Variants in MAP3K14 observed in about 807,000 individuals in gnomAD.
MAP3K14 encodes the protein NF-kappa-beta-inducing kinase.
In MAP3K14, 16 loss-of-function variants were observed where a neutral mutation model predicts 99.2. The observed-to-expected ratio is 0.16, with a 90% CI of 0.11 to 0.24. The LOEUF (loss-of-function observed/expected upper bound fraction) is 0.24, where lower values mean the gene tolerates loss of function less well. MAP3K14 is among the 10% of genes least tolerant of loss of function. MAP3K14 has a pLI of 1.00. For missense variants in MAP3K14, 784 were observed against 1,208.7 expected (o/e 0.65, Z 5.21); for synonymous variants, 462 against 492.4 (o/e 0.94, Z 0.82).
At chr17:45,293,867 A>C (rs769265439) in intron 1 of MAP3K14, among the ~76,000 whole-genome samples, 15 of 152,118 alleles carry the variant, frequency 9.9e-5, no homozygotes, top group Non-Finnish European at 1.8e-4. Flanking sequence ...ATACGGATGC[A>C]CTTGCTCCCT....
Position 45,264,349 on chromosome 17 carries a change from A to G in MAP3K14, c.*287T>C, listed in dbSNP as rs554247144. 5 of 363,796 alleles carry G rather than the reference A, an allele frequency of 1.4e-5. No homozygotes were observed. Among genetic ancestry groups the G allele is most frequent in the South Asian group, 4.3e-5 (1 of 23,528 alleles). The allele number at this position is 363,796 out of a possible 1,614,324, so 22.5% of individuals were successfully genotyped here. A position where few individuals can be genotyped will look rare whatever the true frequency, so the allele number is the denominator to read the frequency against. On this transcript the variant is annotated 3_prime_UTR_variant, in exon 16 of 16. Transcript: ENST00000344686. ...AAGCGGGTCAGGCCAACTCGACTGG[A>G]GCAGGGCAGAGAAGATCCTGTTTGT...
intron 1 of MAP3K14, among the ~76,000 whole-genome samples, chr17:45,313,967 G>A (rs2044506661): frequency 6.6e-6 from 1 of 152,090 alleles, no homozygotes. Context: ...AGTATGGTGT[G>A]AAAATACAAA....
At chr17:45,308,045 A>T (rs570648677) in intron 1 of MAP3K14, among the ~76,000 whole-genome samples, 1 of 152,220 alleles carries the variant, frequency 6.6e-6, no homozygotes, top group Non-Finnish European at 1.5e-5. Flanking sequence ...GGGAAGGTAA[A>T]AAAGGGCTTG....
In MAP3K14 at chr17:45,286,883, G is replaced by T. The variant is rs2044270460; in HGVS notation, c.700C>A (p.Gln234Lys). The T allele has an allele frequency of 6.2e-7, 1 of 1,613,954 alleles. No individual in the cohort carries two copies. The highest frequency in any genetic ancestry group is 1.3e-5 in the African/African-American group (1 of 74,952). ...SELHKLISPL[Q>K]CLNHVWKLHH... ...AGTTTCCACACGTGGTTCAGACATT[G>T]CAAGGGGCTGATCAGTTTGTGGAGT... Residue 234 changes from glutamine (Q) to lysine (K), a missense_variant, in exon 5 of 16, where the codon CAA becomes AAA. Transcript: ENST00000344686. The surrounding 1 kb of genome is among the most constrained non-coding windows in gnomAD (Gnocchi z 4.1).
chr17:45,298,333 C>T (rs992564600), intron 1 of MAP3K14, among the ~76,000 whole-genome samples: 4 of 152,078 alleles, frequency 2.6e-5, no homozygotes, highest in Admixed American at 1.3e-4. Context: ...AATAAAAACA[C>T]AAGATGGCAG....
At chr17:45,290,996 A>C in intron 1 of MAP3K14, 1 of 479,832 alleles carries the variant, frequency 2.1e-6, no homozygotes, top group Non-Finnish European at 3.8e-6. Flanking sequence ...ACCACAACAT[A>C]AACAGCCTCC....
At position 45,270,649 on chromosome 17, in the gene MAP3K14, G is replaced by A. The variant is rs541952561; in HGVS notation, c.1822-86C>T. The A allele has an allele frequency of 4.4e-5, 63 of 1,435,878 alleles. No homozygotes were observed. In the African/African-American group the frequency reaches 5.8e-4, roughly 13 times the overall value. 88.9% of individuals were successfully genotyped at this position (1,435,878 alleles called of 1,614,324 possible). On this transcript the variant is annotated intron_variant, in intron 10 of 15. Coordinates refer to ENST00000344686, the MANE Select transcript of MAP3K14 (RefSeq NM_003954.5). Reference sequence around the variant, plus strand: ...TATTGCTCTTTGCGCAACTCCCGCCGGCCCCTGTTCCCGCTGTGCTGGGGT... The same window carrying A: ...TATTGCTCTTTGCGCAACTCCCGCCAGCCCCTGTTCCCGCTGTGCTGGGGT...
chr17:45,286,956 A>G lies in MAP3K14; in HGVS notation c.627T>C (p.Cys209=). Residue 209 remains cysteine, a synonymous_variant, in exon 5 of 16, where the codon TGT becomes TGC. Coordinates refer to ENST00000344686, the MANE Select transcript of MAP3K14 (RefSeq NM_003954.5). The surrounding 1 kb of genome is among the most constrained non-coding windows in gnomAD (Gnocchi z 4.1). ...PLKEPGLGQL[C]FKQLGEGLRP... Reference sequence around the variant, plus strand: ...GTAGGCCCTCGCCAAGCTGCTTAAAACAGAGTTGCCCAAGGCCTGGTTCCT... The same window carrying G: ...GTAGGCCCTCGCCAAGCTGCTTAAAGCAGAGTTGCCCAAGGCCTGGTTCCT... 6.2e-7 allele frequency: 1 copy of G among 1,614,048 alleles called. No individual in the cohort carries two copies. Among genetic ancestry groups the G allele is most frequent in the Non-Finnish European group, 8.5e-7 (1 of 1,179,902 alleles).
chr17:45,316,634 G>A (rs1368912986), intron 1 of MAP3K14, among the ~76,000 whole-genome samples: 1 of 152,186 alleles, frequency 6.6e-6, no homozygotes, highest in Admixed American at 6.5e-5. Flanking sequence ...CAGAGCAGGC[G>A]GGCGGGCCTG....
At position 45,266,611 on chromosome 17, in the gene MAP3K14, G is replaced by A; in HGVS notation, c.2504C>T (p.Ala835Val). 6 of 1,613,890 alleles carry A rather than the reference G, an allele frequency of 3.7e-6. No individual in the cohort carries two copies. Among genetic ancestry groups the A allele is most frequent in the Non-Finnish European group, 5.1e-6 (6 of 1,179,878 alleles). The change falls in exon 14 of 16, where the codon GCC (alanine) becomes GTC (valine). Residue 835 changes from alanine to valine, a missense_variant. Physicochemically the swap from Ala to Val is moderately conservative, Grantham distance 64 (BLOSUM62 0). This residue lies in a region of MAP3K14 where 130 missense variants were observed against 220.4 expected (regional missense o/e 0.59). Transcript: ENST00000344686. The part of the protein sequence containing the change: ...SSGVHSWSSQ[A>V]EARSSSWNMV... Reference sequence around the variant, plus strand: ...GTTCCAGCTGGAGCTTCGAGCCTCGGCCTGGCTGCTCCAGGAGTGTACGCC... The same window carrying A: ...GTTCCAGCTGGAGCTTCGAGCCTCGACCTGGCTGCTCCAGGAGTGTACGCC...
rs957452957 is a variant in MAP3K14 at position 45,267,054 on chromosome 17, C to A, written c.2433+38G>T. On this transcript the variant is annotated intron_variant, in intron 13 of 15. Coordinates refer to ENST00000344686, the MANE Select transcript of MAP3K14 (RefSeq NM_003954.5). The surrounding 1 kb of genome is among the most constrained non-coding windows in gnomAD (Gnocchi z 5.1). ...CTGTGCCAGGGCCGGGAAAACCACA[C>A]CCCTGGAGCCATGGCTCCGGGGCCA... is the stretch of plus-strand genomic sequence containing the variant. 4 of 1,437,864 alleles carry A rather than the reference C, an allele frequency of 2.8e-6. No individual in the cohort carries two copies. In the South Asian group the frequency reaches 4.9e-5, roughly 18 times the overall value. The allele number at this position is 1,437,864 out of a possible 1,614,324, so 89.1% of individuals were successfully genotyped here.
intron 6 of MAP3K14, among the ~76,000 whole-genome samples, chr17:45,280,299 CTTTTTT>C (rs751994880): frequency 8.2e-6 from 1 of 122,332 alleles, no homozygotes; most frequent in African/African-American, 3.3e-5. Context: ...CACAGAAACA[CTTTTTT>C]TTTTTTTTTT....
intron 9 of MAP3K14, 43 bp from the exon 10 acceptor site, chr17:45,271,264 G>A (rs1451624574): frequency 1.3e-6 from 2 of 1,566,888 alleles, no homozygotes; most frequent in Non-Finnish European, 1.7e-6. Context: ...GAATGCTGAT[G>A]GGCAGGAGCC....
chr17:45,293,781 C>T (rs2044329393), intron 1 of MAP3K14, among the ~76,000 whole-genome samples: 1 of 152,218 alleles, frequency 6.6e-6, no homozygotes. Flanking sequence ...TTTGGCCTGA[C>T]AGTGGCTCTC....
At chr17:45,277,534 C>T (rs2044190010) in intron 6 of MAP3K14, among the ~76,000 whole-genome samples, 1 of 152,176 alleles carries the variant, frequency 6.6e-6, no homozygotes, top group Non-Finnish European at 1.5e-5. Context: ...AATCACCTCC[C>T]ATGAACTTTG....
chr17:45,299,395 T>A (rs1352312), intron 1 of MAP3K14, among the ~76,000 whole-genome samples: 2,444 of 150,604 alleles, frequency 0.016, 44 homozygotes, highest in Non-Finnish European at 0.021. Context: ...TTTATGAAAA[T>A]AAAAAAAAAG....
intron 15 of MAP3K14, 99 bp from the exon 16 acceptor site, chr17:45,264,899 AGGGC>A (rs2044061935): frequency 1.6e-6 from 2 of 1,276,590 alleles, no homozygotes; most frequent in Admixed American, 2.2e-5. Context: ...GGCAGCCCTA[AGGGC>A]ACTGCCTGTC....
chr17:45,279,623 CTG>C (rs1040936914), intron 6 of MAP3K14, among the ~76,000 whole-genome samples: 4 of 151,648 alleles, frequency 2.6e-5, no homozygotes, highest in Non-Finnish European at 5.9e-5. Flanking sequence ...CGGGGTTTCA[CTG>C]TGTTAGCCAG....
chr17:45,288,126 T>C (rs1167186623), intron 3 of MAP3K14, among the ~76,000 whole-genome samples: 1 of 152,186 alleles, frequency 6.6e-6, no homozygotes, highest in Non-Finnish European at 1.5e-5. Context: ...GGCAGACTCA[T>C]GGCAGTCCTG....
Sources: allele counts gnomAD v4.1 joint callset (sites outside exome capture counted in the v4.1 genomes callset), GRCh38; gene constraint gnomAD v4.1.1; regional missense constraint gnomAD v4.1.1; non-coding constraint Gnocchi (gnomAD v3.1); transcripts MANE v1.5; gene names NCBI Gene and HGNC (gene_info 2026-07-23, HGNC 2026-07-21).